Variants in CAMK1D observed in about 807,000 individuals in gnomAD.
CAMK1D encodes calcium/calmodulin dependent protein kinase ID.
Under a neutral mutation model 47.7 loss-of-function variants are expected in CAMK1D, and 9 were observed. The observed-to-expected ratio is 0.19, with a 90% CI of 0.11 to 0.33. The LOEUF (loss-of-function observed/expected upper bound fraction) is 0.33, where lower values mean the gene tolerates loss of function less well. Among genes scored for constraint, CAMK1D ranks in the 10% least tolerant of loss-of-function variants. The pLI, the probability that CAMK1D is intolerant of heterozygous loss-of-function variation, is 1.00. For missense variants in CAMK1D, 291 were observed against 488.7 expected (o/e 0.60, Z 3.81); for synonymous variants, 184 against 184.9 (o/e 0.99, Z 0.04).
chr10:12,764,420 A>G (rs1335530143), intron 4 of CAMK1D, among the ~76,000 whole-genome samples: 1 of 147,876 alleles, frequency 6.8e-6, no homozygotes, highest in Admixed American at 6.8e-5. Flanking sequence ...ACTGTGAATG[A>G]CCAGTTGATT....
chr10:12,479,940 G>GC lies in CAMK1D; in HGVS notation c.93-73278dup, dbSNP rs965352453. Among the ~76,000 whole-genome samples, 75 of 152,068 alleles carry GC rather than the reference G, an allele frequency of 4.9e-4. 1 individual carries two copies. The highest frequency in any genetic ancestry group is 1.7e-3 in the African/African-American group (69 of 41,472). On this transcript the variant is annotated intron_variant, in intron 1 of 10. Transcript: ENST00000619168. ...GTCCTGGATACATGCTCTGCTTTCTGCCCCCCCAAATGCCACTTCCTGGCA... is the reference window on the plus strand; with the variant it reads ...GTCCTGGATACATGCTCTGCTTTCTGCCCCCCCCAAATGCCACTTCCTGGCA...
intron 1 of CAMK1D, among the ~76,000 whole-genome samples, chr10:12,524,435 C>T (rs535822443): frequency 2.7e-4 from 41 of 152,216 alleles, no homozygotes; most frequent in Admixed American, 2.3e-3. Context: ...TGACCAGGCG[C>T]GGTGGCGCAC....
chr10:12,409,644 T>G (rs1245743276), intron 1 of CAMK1D, among the ~76,000 whole-genome samples: 2 of 152,260 alleles, frequency 1.3e-5, no homozygotes, highest in Non-Finnish European at 2.9e-5. Context: ...ACAGTTCACT[T>G]CTTTAAAGAG....
chr10:12,445,243 GTCTT>G (rs1233835724), intron 1 of CAMK1D, among the ~76,000 whole-genome samples: 1 of 152,206 alleles, frequency 6.6e-6, no homozygotes, highest in African/African-American at 2.4e-5. Flanking sequence ...CCCTGCACTA[GTCTT>G]TCAGGTTAAC....
intron 1 of CAMK1D, among the ~76,000 whole-genome samples, chr10:12,495,907 G>T (rs2399848): frequency 0.51 from 76,802 of 151,864 alleles, 20,101 homozygotes; most frequent in East Asian, 0.81. Context: ...AGCTCACTAC[G>T]ACTTCTACCT....
chr10:12,552,652 G>C (rs1280358846), intron 1 of CAMK1D, among the ~76,000 whole-genome samples: 1 of 152,344 alleles, frequency 6.6e-6, no homozygotes, highest in Non-Finnish European at 1.5e-5. Context: ...GTGGTACCGG[G>C]AGGTGGCCTA....
At chr10:12,357,338 C>T (rs564185931) in intron 1 of CAMK1D, among the ~76,000 whole-genome samples, 6 of 150,798 alleles carry the variant, frequency 4.0e-5, no homozygotes, top group South Asian at 2.1e-4. Context: ...TTTTTTGAGA[C>T]GGAGTCTCAC....
intron 1 of CAMK1D, among the ~76,000 whole-genome samples, chr10:12,516,927 C>A (rs138972521): frequency 1.3e-5 from 2 of 152,144 alleles, no homozygotes; most frequent in African/African-American, 4.8e-5. Context: ...AGCAGACTTG[C>A]TGGGATTTGA....
chr10:12,405,583 C>G (rs188207325), intron 1 of CAMK1D, among the ~76,000 whole-genome samples: 1 of 152,306 alleles, frequency 6.6e-6, no homozygotes, highest in Admixed American at 6.5e-5. Flanking sequence ...CAATTAACAC[C>G]TGAAATTGTC....
chr10:12,662,651 C>CAAAAAAAAAAAAA (rs56807588), intron 2 of CAMK1D, among the ~76,000 whole-genome samples: 14 of 140,502 alleles, frequency 1.0e-4, no homozygotes, highest in South Asian at 7.2e-4. Flanking sequence ...CACTCTGCCT[C>CAAAAAAAAAAAAA]AAAAAAAAAA....
At chr10:12,706,055 C>T (rs1419328029) in intron 3 of CAMK1D, among the ~76,000 whole-genome samples, 1 of 152,108 alleles carries the variant, frequency 6.6e-6, no homozygotes, top group Non-Finnish European at 1.5e-5. Flanking sequence ...TCCCAAGACC[C>T]CAGTGGATGT....
chr10:12,365,400 C>T (rs1837801007), intron 1 of CAMK1D, among the ~76,000 whole-genome samples: 1 of 152,114 alleles, frequency 6.6e-6, no homozygotes, highest in Non-Finnish European at 1.5e-5. Flanking sequence ...TTAATCCATA[C>T]AGGAGCAATT....
chr10:12,366,549 C>T (rs761201638), intron 1 of CAMK1D, among the ~76,000 whole-genome samples: 2 of 149,700 alleles, frequency 1.3e-5, no homozygotes, highest in African/African-American at 2.4e-5. Context: ...ATCCTGGCTA[C>T]TCGGGAGGCT....
chr10:12,525,119 G>A (rs1446046679), intron 1 of CAMK1D, among the ~76,000 whole-genome samples: 7 of 152,106 alleles, frequency 4.6e-5, no homozygotes, highest in Non-Finnish European at 1.0e-4. Flanking sequence ...TCCTGTAGAT[G>A]GGTCATGTGT....
At chr10:12,401,247 T>G (rs1466719471) in intron 1 of CAMK1D, among the ~76,000 whole-genome samples, 1 of 38,100 alleles carries the variant, frequency 2.6e-5, no homozygotes, top group African/African-American at 1.1e-4. Flanking sequence ...TTTATATATA[T>G]ATAATATATG....
At chr10:12,724,559 T>G (rs2130794362) in intron 3 of CAMK1D, among the ~76,000 whole-genome samples, 1 of 152,352 alleles carries the variant, frequency 6.6e-6, no homozygotes, top group Admixed American at 6.5e-5. Context: ...AAGCAAAACC[T>G]TGTAAATCCA....
intron 1 of CAMK1D, among the ~76,000 whole-genome samples, chr10:12,517,964 A>G (rs562477359): frequency 1.1e-4 from 16 of 152,236 alleles, no homozygotes; most frequent in African/African-American, 3.6e-4. Flanking sequence ...TAGAATTGGT[A>G]TTATTTTTTA....
intron 1 of CAMK1D, among the ~76,000 whole-genome samples, chr10:12,478,709 G>C (rs529377999): frequency 2.1e-4 from 32 of 152,118 alleles, no homozygotes; most frequent in Non-Finnish European, 4.1e-4. Context: ...CAGGTAACCT[G>C]GACTGGCGAC....
intron 1 of CAMK1D, among the ~76,000 whole-genome samples, chr10:12,485,993 G>C (rs1185143233): frequency 6.6e-6 from 1 of 152,138 alleles, no homozygotes; most frequent in Non-Finnish European, 1.5e-5. Flanking sequence ...GACCACGGCA[G>C]AGTGCCACAA....
Sources: gnomAD v4.1 joint callset for allele counts (sites outside exome capture counted in the v4.1 genomes callset) on GRCh38, gnomAD v4.1.1 for gene constraint, MANE v1.5 for transcripts, NCBI Gene and HGNC (gene_info 2026-07-23, HGNC 2026-07-21) for gene names.